RLF: variants seen among roughly 807,000 people sequenced by gnomAD.
RLF encodes the protein RLF zinc finger.
In RLF, 7 loss-of-function variants were observed where a neutral mutation model predicts 162.9. That is an observed-to-expected ratio of 0.04 (90% CI 0.02 to 0.08). The LOEUF is 0.08. Among genes scored for constraint, RLF ranks in the 10% least tolerant of loss-of-function variants. The pLI is 1.00. For missense variants in RLF, 1,664 were observed against 2,244.7 expected, an observed-to-expected ratio of 0.74 and a Z score of 5.23; for synonymous variants, 782 against 791.5, an observed-to-expected ratio of 0.99 and a Z score of 0.20.
intron 5 of RLF, among the ~76,000 whole-genome samples, chr1:40,219,893 G>T (rs2124552244): frequency 6.6e-6 from 1 of 152,320 alleles, no homozygotes; most frequent in Middle Eastern, 3.4e-3. Flanking sequence ...CAGTGCAGGA[G>T]CATGTTTACC....
intron 3 of RLF, among the ~76,000 whole-genome samples, chr1:40,192,937 A>G (rs1365982121): frequency 6.6e-6 from 1 of 152,084 alleles, no homozygotes; most frequent in Non-Finnish European, 1.5e-5. Context: ...ATGACAGCCT[A>G]TTTTCTGCAA....
chr1:40,179,224 C>A (rs1428672732), intron 1 of RLF, among the ~76,000 whole-genome samples: 1 of 152,092 alleles, frequency 6.6e-6, no homozygotes, highest in Non-Finnish European at 1.5e-5. Context: ...AAAATGAGAC[C>A]CAGAGAGGTT....
rs1198306598 is a variant in RLF at position 40,238,596 on chromosome 1, T to C, written c.3894T>C (p.Asn1298=). The change falls in exon 8 of 8, where the codon AAT becomes AAC. Residue 1298 remains asparagine (N), a synonymous_variant. Transcript: ENST00000372771. The surrounding 1 kb of genome is among the most constrained non-coding windows in gnomAD (Gnocchi z 5.2). ...RGSRRTVAKG[N]LCYILNKYHK... The stretch of plus-strand genomic sequence containing the variant: ...GCAGGCGAACTGTTGCTAAAGGAAA[T>C]CTGTGTTATATTTTGAATAAATACC... 2.5e-6 allele frequency: 4 copies of C among 1,613,598 alleles called. No homozygotes were observed. The highest frequency in any genetic ancestry group is 3.4e-6 in the Non-Finnish European group (4 of 1,180,002).
rs1254883621 is a variant in RLF at position 40,239,595 on chromosome 1, C to G, written c.4893C>G (p.Asp1631Glu). The G allele has an allele frequency of 3.1e-6, 5 of 1,613,970 alleles. No homozygotes were observed. Among genetic ancestry groups the G allele is most frequent in the African/African-American group, 2.7e-5 (2 of 74,908 alleles). Residue 1631 changes from aspartate to glutamate, a missense_variant, in exon 8 of 8, where the codon GAC (aspartate) becomes GAG (glutamate). Physicochemically the swap from Asp to Glu is conservative, Grantham distance 45. Transcript: ENST00000372771. ...ERTEHSHSPG[D>E]SSAPIQNTDC... ...CAGAACACAGCCATTCCCCGGGTGACAGTAGTGCACCCATCCAGAACACTG... is the reference window on the plus strand; with the variant it reads ...CAGAACACAGCCATTCCCCGGGTGAGAGTAGTGCACCCATCCAGAACACTG...
Position 40,238,853 on chromosome 1 carries a change from G to C in RLF, c.4151G>C (p.Ser1384Thr). The C allele has an allele frequency of 6.2e-7, 1 of 1,614,194 alleles. No individual in the cohort carries two copies. Among genetic ancestry groups the C allele is most frequent in the Non-Finnish European group, 8.5e-7 (1 of 1,180,006 alleles). The change falls in exon 8 of 8, where the codon AGT (serine) becomes ACT (threonine). Residue 1384 changes from serine (S) to threonine (T), a missense_variant. By Grantham distance (58) the Ser-to-Thr change is moderately conservative (BLOSUM62 1). This residue lies in a region of RLF where 200 missense variants were observed against 207.3 expected (regional missense o/e 0.96). Transcript: ENST00000372771. This position sits in a 1 kb window ranked among gnomAD's most constrained non-coding sequence, Gnocchi z 5.2. ...TCCAAAGCTCTTGCTAAGCACTGTA[G>C]TGATTCTCATAACCTAGACCATATT... ...LCSKALAKHC[S>T]DSHNLDHIEE...
intron 5 of RLF, among the ~76,000 whole-genome samples, chr1:40,214,937 A>AC (rs796672118): frequency 6.7e-6 from 1 of 149,714 alleles, no homozygotes; most frequent in Non-Finnish European, 1.5e-5. Flanking sequence ...AAAAAAAAAA[A>AC]AAAAAAAACT....
intron 1 of RLF, chr1:40,178,090 C>T (rs1336259447): frequency 1.3e-5 from 2 of 149,632 alleles, no homozygotes; most frequent in African/African-American, 5.1e-5. Context: ...ATAGATATAT[C>T]TATAGATATA....
In RLF at chr1:40,168,702, A is replaced by C. The variant is rs191815077; in HGVS notation, c.237+7066A>C. Among the ~76,000 whole-genome samples the C allele has an allele frequency of 2.6e-5, 4 of 152,230 alleles. No homozygotes were observed. The East Asian group carries it at 5.8e-4, about 22-fold the overall frequency. On this transcript the variant is annotated intron_variant, in intron 1 of 7. Coordinates refer to ENST00000372771, the MANE Select transcript of RLF (RefSeq NM_012421.4). Reference sequence around the variant, plus strand: ...AAATGCATTAAATTTTATATAAATAATATGTTTTGGCCGTGCACGGTGGCT... The same window carrying C: ...AAATGCATTAAATTTTATATAAATACTATGTTTTGGCCGTGCACGGTGGCT...
rs777137514 is a variant in RLF, at chr1:40,236,472, A to T, written c.1770A>T (p.Lys590Asn). The T allele has an allele frequency of 6.2e-7, 1 of 1,613,826 alleles. No individual in the cohort carries two copies. Among genetic ancestry groups the T allele is most frequent in the Non-Finnish European group, 8.5e-7 (1 of 1,179,920 alleles). ...GIYTCPVCIK[K>N]FKRKEMFVPH... ...ACACCTGTCCAGTTTGTATTAAAAAATTTAAGAGAAAAGAAATGTTTGTTC... is the reference window on the plus strand; with the variant it reads ...ACACCTGTCCAGTTTGTATTAAAAATTTTAAGAGAAAAGAAATGTTTGTTC... Residue 590 changes from lysine (K) to asparagine (N), a missense_variant, in exon 8 of 8, where the codon AAA (lysine) becomes AAT (asparagine). By Grantham distance (94) the Lys-to-Asn change is moderately conservative (BLOSUM62 0). Transcript: ENST00000372771. This position sits in a 1 kb window ranked among gnomAD's most constrained non-coding sequence, Gnocchi z 7.7.
chr1:40,178,353 C>A (rs928601287), intron 1 of RLF, among the ~76,000 whole-genome samples: 1 of 151,800 alleles, frequency 6.6e-6, no homozygotes, highest in Admixed American at 6.6e-5. Flanking sequence ...AGCTATATAG[C>A]ACATAGAGAC....
Position 40,195,691 on chromosome 1 carries a change from T to C in RLF, c.534T>C (p.Val178=), listed in dbSNP as rs12085717. Residue 178 remains valine, a synonymous_variant, in exon 4 of 8, where the codon GTT becomes GTC. Coordinates refer to ENST00000372771, the MANE Select transcript of RLF (RefSeq NM_012421.4). ...ATAACCTACAAATATTGGTTCATGT[T>C]ACCAAGGAAGGGGTGTGGAAAAACC... ...GNNNLQILVH[V]TKEGVWKNPV... 1.9e-3 allele frequency: 3,125 copies of C among 1,613,636 alleles called. 44 individuals carry two copies. The African/African-American group carries it at 0.033, about 17-fold the overall frequency.
chr1:40,209,015 C>T (rs1316216599), intron 5 of RLF, among the ~76,000 whole-genome samples: 1 of 152,158 alleles, frequency 6.6e-6, no homozygotes, highest in East Asian at 1.9e-4. Context: ...CTGTCACTGC[C>T]AACCTTCTGG....
intron 4 of RLF, among the ~76,000 whole-genome samples, chr1:40,201,060 CACACACACA>C (rs1195968350): frequency 3.7e-4 from 3 of 8,182 alleles, no homozygotes; most frequent in African/African-American, 1.2e-3. Flanking sequence ...ACACCTCACA[CACACACACA>C]CCCCCCCCCC....
At position 40,238,626 on chromosome 1, in the gene RLF, A is replaced by G. The variant is rs1227704544; in HGVS notation, c.3924A>G (p.Lys1308=). The G allele has an allele frequency of 1.2e-6, 2 of 1,613,588 alleles. No individual in the cohort carries two copies. The highest frequency in any genetic ancestry group is 1.7e-6 in the Non-Finnish European group (2 of 1,179,894). Residue 1308 remains lysine, a synonymous_variant, in exon 8 of 8, where the codon AAA becomes AAG. Coordinates refer to ENST00000372771, the MANE Select transcript of RLF (RefSeq NM_012421.4). The surrounding 1 kb of genome is among the most constrained non-coding windows in gnomAD (Gnocchi z 5.2). ...NLCYILNKYH[K]PFHCIHKTCN... ...GTTATATTTTGAATAAATACCACAA[A>G]CCATTCCATTGTATTCATAAAACTT...
intron 7 of RLF, among the ~76,000 whole-genome samples, chr1:40,232,370 TAAAAC>T (rs1334092567): frequency 6.6e-6 from 1 of 152,230 alleles, no homozygotes; most frequent in African/African-American, 2.4e-5. Flanking sequence ...AATTAATACT[TAAAAC>T]AATGTCCGTT....
intron 6 of RLF, among the ~76,000 whole-genome samples, chr1:40,225,159 CAAT>C (rs1308520383): frequency 2.0e-5 from 3 of 151,968 alleles, no homozygotes; most frequent in Non-Finnish European, 4.4e-5. Flanking sequence ...TTAAATGTGA[CAAT>C]AAAGTTAAAA....
At chr1:40,196,620 C>T (rs1004782676) in intron 4 of RLF, among the ~76,000 whole-genome samples, 7 of 152,134 alleles carry the variant, frequency 4.6e-5, no homozygotes, top group Non-Finnish European at 8.8e-5. Flanking sequence ...CTGCCTCTGC[C>T]TCACAAGTAA....
chr1:40,192,277 G>A (rs1222581642), intron 3 of RLF, among the ~76,000 whole-genome samples: 1 of 152,114 alleles, frequency 6.6e-6, no homozygotes, highest in African/African-American at 2.4e-5. Context: ...CATCCTAGAA[G>A]GGCAAATCCT....
In RLF at chr1:40,238,129, G is replaced by T. The variant is rs200530488; in HGVS notation, c.3427G>T (p.Ala1143Ser). ...CAAATATGAATTTGTGACCAGAGAG[G>T]CTCTGTTAATGCATTATCTTAAAAA... ...GCKYEFVTREALLMHYLKKHN... is the reference protein window; with the variant it reads ...GCKYEFVTRESLLMHYLKKHN... Residue 1143 changes from alanine to serine, a missense_variant, in exon 8 of 8, where the codon GCT (alanine) becomes TCT (serine). Coordinates refer to ENST00000372771, the MANE Select transcript of RLF (RefSeq NM_012421.4). The surrounding 1 kb of genome is among the most constrained non-coding windows in gnomAD (Gnocchi z 5.2). 2.1e-5 allele frequency: 34 copies of T among 1,613,752 alleles called. No homozygotes were observed. Among genetic ancestry groups the T allele is most frequent in the Non-Finnish European group, 2.9e-5 (34 of 1,179,956 alleles).
Sources: gnomAD v4.1 joint callset for allele counts (sites outside exome capture counted in the v4.1 genomes callset) on GRCh38, gnomAD v4.1.1 for gene constraint, gnomAD v4.1.1 regional missense constraint, Gnocchi (gnomAD v3.1) non-coding constraint, MANE v1.5 for transcripts, NCBI Gene and HGNC (gene_info 2026-07-23, HGNC 2026-07-21) for gene names.